KIF6: variants seen among roughly 807,000 people sequenced by gnomAD.
KIF6 encodes kinesin-like protein KIF6.
A neutral mutation model predicts 112.7 loss-of-function variants in KIF6; 106 were observed. That is an observed-to-expected ratio of 0.94 (90% CI 0.80 to 1.11). KIF6 has a LOEUF of 1.11. KIF6 is among the 50% of genes least tolerant of loss of function. The pLI, the probability that KIF6 is intolerant of heterozygous loss-of-function variation, is 0.00. For synonymous variants in KIF6, 339 were observed against 339.9 expected, an observed-to-expected ratio of 1.00 and a Z score of 0.03; for missense variants, 929 against 964.0, an observed-to-expected ratio of 0.96 and a Z score of 0.48.
intron 1 of KIF6, among the ~76,000 whole-genome samples, chr6:39,723,162 G>C (rs576774793): frequency 8.7e-4 from 132 of 152,320 alleles, no homozygotes; most frequent in African/African-American, 2.9e-3. Context: ...GTGATTATTA[G>C]AGGAGAGAAA....
chr6:39,551,796 T>A (rs1779398904), intron 10 of KIF6, among the ~76,000 whole-genome samples: 1 of 152,230 alleles, frequency 6.6e-6, no homozygotes, highest in Non-Finnish European at 1.5e-5. Flanking sequence ...GGTTGAATGA[T>A]CTTCATTCAT....
intron 13 of KIF6, among the ~76,000 whole-genome samples, chr6:39,527,304 C>T (rs778093685): frequency 2.6e-5 from 4 of 152,244 alleles, no homozygotes; most frequent in South Asian, 4.2e-4. Flanking sequence ...TGAAGACCTG[C>T]GGTGGGCTCC....
Position 39,343,758 on chromosome 6 carries a change from C to G in KIF6, c.2379G>C (p.Ser793=). Reference sequence around the variant, plus strand: ...TGGCCTTGATGAAGGCGATGATGTCCGAGTCCGTCTGGCTGTCTCCGGTGA... The same window carrying G: ...TGGCCTTGATGAAGGCGATGATGTCGGAGTCCGTCTGGCTGTCTCCGGTGA... The part of the protein sequence containing the change: ...IPLTGDSQTD[S]DIIAFIKARQ... Residue 793 remains serine, a synonymous_variant, in exon 22 of 23, where the codon TCG becomes TCC. Transcript: ENST00000287152. The surrounding 1 kb of genome is among the most constrained non-coding windows in gnomAD (Gnocchi z 4.1). 1.2e-6 allele frequency: 2 copies of G among 1,613,090 alleles called. No homozygotes were observed. The highest frequency in any genetic ancestry group is 1.7e-6 in the Non-Finnish European group (2 of 1,179,662).
chr6:39,545,638 C>T lies in KIF6; in HGVS notation c.1232G>A (p.Arg411Lys), dbSNP rs1236083304. The change falls in exon 11 of 23, where the codon AGA (arginine) becomes AAA (lysine). Residue 411 changes from arginine (R) to lysine (K), a missense_variant. This residue lies in a region of KIF6 where 688 missense variants were observed against 662.7 expected (regional missense o/e 1.04). Transcript: ENST00000287152. ...ACGCATATCCGCGCCAACCTCTAAT[C>T]TACTGTCTGAATCCTGGTCTTCCAA... ...SFLEDQDSDS[R>K]LEVGADMRKV... is the part of the protein sequence containing the mutation. 6.2e-7 allele frequency: 1 copy of T among 1,613,732 alleles called. No individual in the cohort carries two copies. The highest frequency in any genetic ancestry group is 2.2e-5 in the East Asian group (1 of 44,866).
chr6:39,649,652 T>C (rs938783759), intron 3 of KIF6, among the ~76,000 whole-genome samples: 4 of 151,930 alleles, frequency 2.6e-5, no homozygotes, highest in Admixed American at 6.6e-5. Flanking sequence ...TTGTTTGCCT[T>C]CCATGGAATG....
chr6:39,471,998 G>A (rs1217519258), intron 13 of KIF6, among the ~76,000 whole-genome samples: 1 of 152,148 alleles, frequency 6.6e-6, no homozygotes, highest in East Asian at 1.9e-4. Flanking sequence ...AGAGCACCAC[G>A]TCCTCATGCA....
In KIF6 at chr6:39,343,347, C is replaced by A; in HGVS notation, c.2428+362G>T. The A allele has an allele frequency of 7.7e-7, 1 of 1,304,298 alleles. No homozygotes were observed. Among genetic ancestry groups the A allele is most frequent in the East Asian group, 5.2e-5 (1 of 19,106 alleles). 80.8% of individuals were successfully genotyped at this position (1,304,298 alleles called of 1,614,324 possible). On this transcript the variant is annotated intron_variant, in intron 22 of 22. Coordinates refer to ENST00000287152, the MANE Select transcript of KIF6 (RefSeq NM_145027.6). The surrounding 1 kb of genome is among the most constrained non-coding windows in gnomAD (Gnocchi z 4.1). ...TTTAAGCCAGGGGTTCAACGAGTTA[C>A]CAAAACATCACTCAGCCCCTTCCTG...
chr6:39,570,633 T>C (rs1377755324), intron 10 of KIF6, among the ~76,000 whole-genome samples: 4 of 152,136 alleles, frequency 2.6e-5, no homozygotes, highest in East Asian at 1.9e-4. Flanking sequence ...AGGGACCTGA[T>C]AGGAGATAAC....
intron 13 of KIF6, among the ~76,000 whole-genome samples, chr6:39,474,078 A>T (rs1310905964): frequency 1.3e-5 from 2 of 152,128 alleles, no homozygotes; most frequent in Non-Finnish European, 2.9e-5. Context: ...ACTGTGTAGA[A>T]AAATTAATAT....
At chr6:39,460,154 G>C (rs1773369759) in intron 13 of KIF6, among the ~76,000 whole-genome samples, 1 of 142,844 alleles carries the variant, frequency 7.0e-6, no homozygotes, top group African/African-American at 2.6e-5. Context: ...ACTGGATTAA[G>C]AAAATGTGGC....
chr6:39,534,624 T>C (rs1342901768), intron 13 of KIF6, among the ~76,000 whole-genome samples: 1 of 152,198 alleles, frequency 6.6e-6, no homozygotes, highest in Non-Finnish European at 1.5e-5. Context: ...TGGAACCAAG[T>C]TGGAAAACAC....
In KIF6 at chr6:39,337,168, C is replaced by CTTTCTTTCTTTCTTTCT. The variant is rs531905392; in HGVS notation, c.2429-621_2429-620insAGAAAGAAAGAAAGAAA. Among the ~76,000 whole-genome samples, 15 of 48,536 alleles carry CTTTCTTTCTTTCTTTCT rather than the reference C, an allele frequency of 3.1e-4. No homozygotes were observed. In the East Asian group the frequency reaches 4.9e-3, roughly 16 times the overall value. 31.8% of individuals were successfully genotyped at this position (48,536 alleles called of 152,430 possible). A position where few individuals can be genotyped will look rare whatever the true frequency, so the allele number is the denominator to read the frequency against. ...CCTTTCTCTTTCTTTTCTTTCTTTC[C>CTTTCTTTCTTTCTTTCT]TTCCTTCTTTCTTTCTTTCTTTCTT... On this transcript the variant is annotated intron_variant, in intron 22 of 22. Transcript: ENST00000287152.
intron 13 of KIF6, among the ~76,000 whole-genome samples, chr6:39,489,715 T>C (rs1272409152): frequency 6.6e-6 from 1 of 152,138 alleles, no homozygotes; most frequent in Non-Finnish European, 1.5e-5. Flanking sequence ...GGTAGGAGGA[T>C]AAAGGTCTTA....
At chr6:39,465,813 CA>C (rs1289665334) in intron 13 of KIF6, among the ~76,000 whole-genome samples, 1 of 152,206 alleles carries the variant, frequency 6.6e-6, no homozygotes, top group Non-Finnish European at 1.5e-5. Flanking sequence ...ACAGTTCAGA[CA>C]TACCATGATT....
chr6:39,395,946 TATAA>T (rs1768237672), intron 15 of KIF6, among the ~76,000 whole-genome samples: 1 of 152,196 alleles, frequency 6.6e-6, no homozygotes, highest in South Asian at 2.1e-4. Context: ...GGCTCTTTGA[TATAA>T]ATAATCAACT....
chr6:39,543,214 A>G (rs928289897), intron 12 of KIF6, among the ~76,000 whole-genome samples: 5 of 152,224 alleles, frequency 3.3e-5, no homozygotes, highest in African/African-American at 1.2e-4. Context: ...ATCCTAGACT[A>G]GGATCAAGGC....
chr6:39,409,294 C>G (rs1375474387), intron 15 of KIF6, among the ~76,000 whole-genome samples: 1 of 152,184 alleles, frequency 6.6e-6, no homozygotes, highest in Non-Finnish European at 1.5e-5. Context: ...CCCCATGGCA[C>G]TCCTAGTTGA....
intron 2 of KIF6, 62 bp downstream of exon 2, chr6:39,720,640 T>G (rs1047152115): frequency 1.2e-6 from 1 of 836,170 alleles, no homozygotes; most frequent in South Asian, 1.4e-5. Flanking sequence ...TGAATATTAA[T>G]GCAGTACAAG....
intron 3 of KIF6, among the ~76,000 whole-genome samples, chr6:39,641,760 C>T (rs758664103): frequency 2.0e-5 from 3 of 151,850 alleles, no homozygotes; most frequent in Admixed American, 6.6e-5. Flanking sequence ...GTAGGTAGTA[C>T]ACTACGTTGG....
Sources: gnomAD v4.1 joint callset for allele counts (sites outside exome capture counted in the v4.1 genomes callset) on GRCh38, gnomAD v4.1.1 for gene constraint, gnomAD v4.1.1 regional missense constraint, Gnocchi (gnomAD v3.1) non-coding constraint, MANE v1.5 for transcripts, NCBI Gene and HGNC (gene_info 2026-07-23, HGNC 2026-07-21) for gene names.